The following MICAL2 variants were observed in gnomAD, a reference collection of about 807,000 sequenced individuals.
The protein encoded by MICAL2 is [F-actin]-monooxygenase MICAL2.
A neutral mutation model predicts 127.3 loss-of-function variants in MICAL2; 77 were observed. That is an observed-to-expected ratio of 0.60 (90% confidence interval 0.50 to 0.73). MICAL2 has a LOEUF of 0.73. MICAL2 is among the 30% of genes least tolerant of loss of function. The probability of loss-of-function intolerance (pLI) is 0.00; values close to 1 mark genes in which losing one functional copy is unlikely to be tolerated. For missense variants in MICAL2, 1,351 were observed against 1,434.4 expected (o/e 0.94, Z 0.94); for synonymous variants, 570 against 551.1 (o/e 1.03, Z -0.48).
intron 32 of MICAL2, among the ~76,000 whole-genome samples, chr11:12,342,940 T>A (rs1045755339): frequency 2.0e-5 from 3 of 152,050 alleles, no homozygotes; most frequent in African/African-American, 7.2e-5. Flanking sequence ...AGGGAGCTGA[T>A]GGAAATCGTA....
chr11:12,112,534 T>C (rs1849687451), intron 1 of MICAL2, among the ~76,000 whole-genome samples: 1 of 143,972 alleles, frequency 6.9e-6, no homozygotes, highest in Non-Finnish European at 1.5e-5. Context: ...GATTCTAGTT[T>C]CGTGGGGCTT....
intron 2 of MICAL2, among the ~76,000 whole-genome samples, chr11:12,147,167 A>G (rs917157932): frequency 1.3e-5 from 2 of 152,170 alleles, no homozygotes; most frequent in Non-Finnish European, 2.9e-5. Flanking sequence ...TATGTAACAA[A>G]CCTGCACATT....
At chr11:12,330,947 C>T (rs568262919) in intron 32 of MICAL2, among the ~76,000 whole-genome samples, 104 of 106,484 alleles carry the variant, frequency 9.8e-4, no homozygotes, top group Non-Finnish European at 1.9e-3. Flanking sequence ...ATGTGTGTGT[C>T]TGTGTGTGTG....
In MICAL2 at chr11:12,316,544, G is replaced by T. The variant is rs151109483; in HGVS notation, c.5213-3152G>T. 4.2e-4 allele frequency among the ~76,000 whole-genome samples: 64 copies of T among 151,434 alleles called. No individual in the cohort carries two copies. In the East Asian group the frequency reaches 8.5e-3, roughly 20 times the overall value. On this transcript the variant is annotated intron_variant, in intron 29 of 34. Coordinates refer to the MICAL2 transcript ENST00000646065. Reference sequence around the variant, plus strand: ...GCAACTTTACTGATTTATTATAATAGTTTTTTTTGGTGGAGTTCTTGAGCA... The same window carrying T: ...GCAACTTTACTGATTTATTATAATATTTTTTTTTGGTGGAGTTCTTGAGCA...
rs1286956364 is a variant in MICAL2 at position 12,204,247 on chromosome 11, C to A, written c.265-3C>A. 6.2e-7 allele frequency: 1 copy of A among 1,613,880 alleles called. No individual in the cohort carries two copies. Among genetic ancestry groups the A allele is most frequent in the East Asian group, 2.2e-5 (1 of 44,884 alleles). ...GAGTCTCTCTCCTCTCTCACCTCTGCAGTGTCTCATAGTTGGGGGAGGACC... is the reference window on the plus strand; with the variant it reads ...GAGTCTCTCTCCTCTCTCACCTCTGAAGTGTCTCATAGTTGGGGGAGGACC... On this transcript the variant is annotated splice_region_variant and splice_polypyrimidine_tract_variant and intron_variant, in intron 3 of 27. Transcript: ENST00000683283.
chr11:12,167,485 TG>T (rs1213583105), intron 3 of MICAL2, among the ~76,000 whole-genome samples: 2 of 151,976 alleles, frequency 1.3e-5, no homozygotes. Context: ...GTGGAAGGGG[TG>T]ACACCGGGAG....
chr11:12,186,077 C>T (rs887756196), intron 3 of MICAL2, among the ~76,000 whole-genome samples: 1 of 152,208 alleles, frequency 6.6e-6, no homozygotes, highest in Non-Finnish European at 1.5e-5. Context: ...GCCCTCTTGC[C>T]AGCTGCAGGG....
chr11:12,354,871 G>A (rs762810566), intron 34 of MICAL2: 1 of 1,611,660 alleles, frequency 6.2e-7, no homozygotes, highest in Non-Finnish European at 8.5e-7. Flanking sequence ...AGTATGCTTG[G>A]GCCTTTGTTG....
chr11:12,178,094 A>G (rs905828596), intron 3 of MICAL2, among the ~76,000 whole-genome samples: 4 of 152,222 alleles, frequency 2.6e-5, no homozygotes, highest in Admixed American at 1.3e-4. Flanking sequence ...GAAGGGCTGA[A>G]GGTTAATTCG....
chr11:12,289,520 C>T (rs1400432473), downstream of MICAL2, among the ~76,000 whole-genome samples: 1 of 147,634 alleles, frequency 6.8e-6, no homozygotes. Flanking sequence ...TGACAACTAG[C>T]TTTTACTTTG....
At chr11:12,199,882 G>T (rs1860463522) in intron 3 of MICAL2, among the ~76,000 whole-genome samples, 1 of 152,150 alleles carries the variant, frequency 6.6e-6, no homozygotes, top group Admixed American at 6.5e-5. Context: ...CTCCCCACTG[G>T]GTAATAATTT....
chr11:12,132,743 A>T (rs1244656469), intron 1 of MICAL2, among the ~76,000 whole-genome samples: 2 of 152,228 alleles, frequency 1.3e-5, no homozygotes, highest in Non-Finnish European at 2.9e-5. Flanking sequence ...TCTTCTTGAC[A>T]TGATTGTAGT....
intron 29 of MICAL2, among the ~76,000 whole-genome samples, chr11:12,305,843 A>C (rs1015003631): frequency 6.6e-6 from 1 of 152,206 alleles, no homozygotes; most frequent in African/African-American, 2.4e-5. Context: ...TTTTCATTAG[A>C]TATTTTCCCA....
At chr11:12,175,235 G>A (rs1463651554) in intron 3 of MICAL2, among the ~76,000 whole-genome samples, 1 of 152,164 alleles carries the variant, frequency 6.6e-6, no homozygotes, top group Non-Finnish European at 1.5e-5. Flanking sequence ...CAGCACTTTG[G>A]GAAGCTGAGG....
chr11:12,222,653 G>A lies in MICAL2; in HGVS notation c.1359G>A (p.Pro453=), dbSNP rs189220404. The A allele has an allele frequency of 2.0e-4, 323 of 1,614,214 alleles. 1 individual carries two copies. The highest frequency in any genetic ancestry group is 6.8e-4 in the African/African-American group (51 of 75,056). ...SLYRLLPQTT[P]ENINKNFEQY... Reference sequence around the variant, plus strand: ...ACCGGCTGTTACCTCAGACAACCCCGGAGAACATCAACAAGAACTTTGAGC... The same window carrying A: ...ACCGGCTGTTACCTCAGACAACCCCAGAGAACATCAACAAGAACTTTGAGC... The change falls in exon 11 of 28, where the codon CCG becomes CCA. Residue 453 remains proline (P), a synonymous_variant. Transcript: ENST00000683283.
At chr11:12,269,275 G>C (rs990131218) in intron 24 of MICAL2, among the ~76,000 whole-genome samples, 1 of 152,192 alleles carries the variant, frequency 6.6e-6, no homozygotes, top group African/African-American at 2.4e-5. Flanking sequence ...GAGAAACTTA[G>C]AGTTCTTCCT....
At chr11:12,242,135 T>C in intron 18 of MICAL2, 79 bp from the exon 19 acceptor site, 1 of 1,248,386 alleles carries the variant, frequency 8.0e-7, no homozygotes, top group South Asian at 1.5e-5. Context: ...GTCTCTGGTC[T>C]TCATGGGGGA....
At chr11:12,294,888 C>T (rs1863965897), downstream of MICAL2, 1 of 1,433,470 alleles carries the variant, frequency 7.0e-7, no homozygotes, top group African/African-American at 1.5e-5. Flanking sequence ...AAATGTCTGC[C>T]CTTCATGCTG....
chr11:12,338,608 A>G (rs1337007833), intron 32 of MICAL2, among the ~76,000 whole-genome samples: 1 of 152,020 alleles, frequency 6.6e-6, no homozygotes, highest in Non-Finnish European at 1.5e-5. Flanking sequence ...GTTCCTTTCC[A>G]TATTTAGTGC....
Sources: gnomAD v4.1 joint callset for allele counts (sites outside exome capture counted in the v4.1 genomes callset) on GRCh38, gnomAD v4.1.1 for gene constraint, MANE v1.5 for transcripts, NCBI Gene and HGNC (gene_info 2026-07-23, HGNC 2026-07-21) for gene names.